Variants in AK9 observed in about 807,000 individuals in gnomAD.
AK9 encodes the protein adenylate kinase 9.
Under a neutral mutation model 239.6 loss-of-function variants are expected in AK9, and 191 were observed. The ratio of observed to expected loss-of-function variants is 0.80; its 90% CI spans 0.71 to 0.90. The LOEUF is 0.90. Among genes scored for constraint, AK9 ranks in the 40% least tolerant of loss-of-function variants. The pLI is 0.00. For synonymous variants in AK9, 689 were observed against 721.0 expected, an observed-to-expected ratio of 0.96 and a Z score of 0.71; for missense variants, 1,995 against 2,214.7, an observed-to-expected ratio of 0.90 and a Z score of 1.99.
At chr6:109,661,743 C>T (rs534505430) in intron 6 of AK9, among the ~76,000 whole-genome samples, 1 of 152,308 alleles carries the variant, frequency 6.6e-6, no homozygotes, top group Non-Finnish European at 1.5e-5. Context: ...TGAAAACCAT[C>T]TAGTTTATTT....
At chr6:109,651,906 T>TA (rs1385254742) in intron 8 of AK9, among the ~76,000 whole-genome samples, 4 of 152,156 alleles carry the variant, frequency 2.6e-5, no homozygotes, top group African/African-American at 9.7e-5. Flanking sequence ...ATTGAGGCAA[T>TA]AATTAATAGC....
intron 6 of AK9, among the ~76,000 whole-genome samples, chr6:109,659,723 A>G (rs1202827515): frequency 6.6e-6 from 1 of 152,140 alleles, no homozygotes; most frequent in Non-Finnish European, 1.5e-5. Flanking sequence ...AAATCAGTTA[A>G]CTCTGCAAAG....
intron 8 of AK9, among the ~76,000 whole-genome samples, chr6:109,647,493 G>C: frequency 6.6e-6 from 1 of 152,292 alleles, no homozygotes; most frequent in East Asian, 1.9e-4. Context: ...AGACAAGGAA[G>C]GCCATTACAT....
intron 26 of AK9, among the ~76,000 whole-genome samples, chr6:109,544,218 A>G (rs2128152846): frequency 6.6e-6 from 1 of 152,352 alleles, no homozygotes; most frequent in South Asian, 2.1e-4. Context: ...AGTGTTACAT[A>G]TAACTGCATT....
intron 24 of AK9, among the ~76,000 whole-genome samples, chr6:109,560,945 C>G (rs1433617814): frequency 6.6e-6 from 1 of 151,990 alleles, no homozygotes; most frequent in Non-Finnish European, 1.5e-5. Context: ...CTTCAGTTTG[C>G]CTTTGTTTTT....
At chr6:109,552,893 G>A (rs979205914) in intron 24 of AK9, among the ~76,000 whole-genome samples, 1 of 152,162 alleles carries the variant, frequency 6.6e-6, no homozygotes, top group South Asian at 2.1e-4. Context: ...AAGGTGTAAG[G>A]AAAGGGTCCA....
In AK9 at chr6:109,632,854, C is replaced by T. The variant is rs187461153; in HGVS notation, c.1254+69G>A. On this transcript the variant is annotated intron_variant, in intron 12 of 40. Transcript: ENST00000424296. ...ATTATAATCGAGTATAGATACATGA[C>T]AGATAGACATAGATAGATAGATAGA... 3,428 of 1,460,174 alleles carry T rather than the reference C, an allele frequency of 2.3e-3. 17 individuals are homozygous for T. Among genetic ancestry groups the T allele is most frequent in the Non-Finnish European group, 2.6e-3 (2,850 of 1,096,966 alleles). 90.5% of individuals were successfully genotyped at this position (1,460,174 alleles called of 1,614,324 possible). A position where few individuals can be genotyped will look rare whatever the true frequency, so the allele number is the denominator to read the frequency against.
chr6:109,545,257 T>G (rs1011600843), intron 26 of AK9, among the ~76,000 whole-genome samples: 3 of 152,032 alleles, frequency 2.0e-5, no homozygotes, highest in African/African-American at 7.2e-5. Flanking sequence ...CTGGGCAACA[T>G]AGCAAGACCC....
chr6:109,638,565 C>T (rs1796997083), intron 10 of AK9, among the ~76,000 whole-genome samples: 1 of 152,202 alleles, frequency 6.6e-6, no homozygotes, highest in African/African-American at 2.4e-5. Flanking sequence ...ACTGCAGCCT[C>T]AACCTCTAGG....
chr6:109,611,466 T>A (rs2128239632), intron 16 of AK9, among the ~76,000 whole-genome samples: 1 of 152,336 alleles, frequency 6.6e-6, no homozygotes, highest in East Asian at 1.9e-4. Context: ...CCTGATTTTG[T>A]CAAGGCTAGC....
rs1776691860 is a variant in AK9 at position 109,493,136 on chromosome 6, A to G, written c.*233T>C. On this transcript the variant is annotated 3_prime_UTR_variant, in exon 41 of 41. Transcript: ENST00000424296. ...AGAATGTTTATTTTGTTAAAGCATC[A>G]AAGTTCAGGCAAAGAGCAATACATT... 2 of 366,162 alleles carry G rather than the reference A, an allele frequency of 5.5e-6. No individual in the cohort carries two copies. Among genetic ancestry groups the G allele is most frequent in the Admixed American group, 4.4e-5 (1 of 22,960 alleles). The allele number at this position is 366,162 out of a possible 1,614,324, so 22.7% of individuals were successfully genotyped here. A position where few individuals can be genotyped will look rare whatever the true frequency, so the allele number is the denominator to read the frequency against.
intron 10 of AK9, among the ~76,000 whole-genome samples, chr6:109,636,099 C>T (rs903593877): frequency 9.9e-5 from 15 of 152,150 alleles, no homozygotes; most frequent in African/African-American, 2.7e-4. Context: ...CCGCTGAATT[C>T]AAATCCAGGT....
At chr6:109,537,569 C>A (rs6916639) in intron 27 of AK9, among the ~76,000 whole-genome samples, 1 of 120,718 alleles carries the variant, frequency 8.3e-6, no homozygotes, top group East Asian at 2.1e-4. Context: ...CTTGGATTCA[C>A]TGATTTTTTG....
At chr6:109,513,814 A>T (rs1778991746) in intron 32 of AK9, among the ~76,000 whole-genome samples, 1 of 152,170 alleles carries the variant, frequency 6.6e-6, no homozygotes, top group South Asian at 2.1e-4. Flanking sequence ...TTTAAGATAG[A>T]TAGGATCTCT....
At chr6:109,603,873 G>C (rs141200987) in intron 17 of AK9, among the ~76,000 whole-genome samples, 1 of 152,172 alleles carries the variant, frequency 6.6e-6, no homozygotes, top group African/African-American at 2.4e-5. Flanking sequence ...CTCCGAGCCA[G>C]GCGCAGGATA....
intron 5 of AK9, among the ~76,000 whole-genome samples, chr6:109,668,581 G>C (rs1801602708): frequency 6.8e-6 from 1 of 146,740 alleles, no homozygotes; most frequent in Non-Finnish European, 1.5e-5. Context: ...TGTATGAGGT[G>C]TAAGGAAGGG....
chr6:109,659,831 A>G (rs1800195051), intron 6 of AK9, among the ~76,000 whole-genome samples: 1 of 152,324 alleles, frequency 6.6e-6, no homozygotes, highest in South Asian at 2.1e-4. Context: ...TTTATTTGTA[A>G]TATTTACTAT....
At chr6:109,642,341 G>A (rs2128288751) in intron 9 of AK9, among the ~76,000 whole-genome samples, 1 of 152,306 alleles carries the variant, frequency 6.6e-6, no homozygotes, top group Admixed American at 6.5e-5. Flanking sequence ...TCATGAGATG[G>A]GAGATAGTGA....
intron 10 of AK9, among the ~76,000 whole-genome samples, chr6:109,640,112 G>T (rs1315678413): frequency 6.6e-6 from 1 of 152,176 alleles, no homozygotes; most frequent in African/African-American, 2.4e-5. Flanking sequence ...TTTTGCTTAG[G>T]ATTGCCTTGG....
Sources: gnomAD v4.1 joint callset for allele counts (sites outside exome capture counted in the v4.1 genomes callset) on GRCh38, gnomAD v4.1.1 for gene constraint, MANE v1.5 for transcripts, NCBI Gene and HGNC (gene_info 2026-07-23, HGNC 2026-07-21) for gene names.